The following ANO4 variants were observed in gnomAD, a reference collection of about 807,000 sequenced individuals.
ANO4 encodes anoctamin 4, also known as anoctamin-4.
ANO4 carries 69 observed loss-of-function variants against 141.9 expected under a neutral mutation model. The ratio of observed to expected loss-of-function variants is 0.49; its 90% CI spans 0.40 to 0.59. ANO4 has a LOEUF of 0.59. Among genes scored for constraint, ANO4 ranks in the 20% least tolerant of loss-of-function variants. ANO4 has a pLI of 0.00. For missense variants in ANO4, 894 were observed against 1,162.2 expected (o/e 0.77, Z 3.36); for synonymous variants, 350 against 394.3 (o/e 0.89, Z 1.33).
chr12:101,116,626 G>A, intron 24 of ANO4, 53 bp from the exon 25 acceptor site: 1 of 1,613,416 alleles, frequency 6.2e-7, no homozygotes, highest in Non-Finnish European at 8.5e-7. Context: ...CAGGGAACTG[G>A]ATACAGAGAA....
intron 3 of ANO4, among the ~76,000 whole-genome samples, chr12:100,764,790 A>G (rs145870675): frequency 3.3e-5 from 5 of 152,212 alleles, no homozygotes; most frequent in African/African-American, 1.2e-4. Context: ...CCTGCAGTTA[A>G]GTATATTAGG....
chr12:100,839,439 G>A (rs1325845553), intron 1 of ANO4, among the ~76,000 whole-genome samples: 1 of 152,140 alleles, frequency 6.6e-6, no homozygotes, highest in South Asian at 2.1e-4. Context: ...TCTTTGTAAT[G>A]TAGGTACAAG....
At chr12:100,919,736 G>GTATCTATCTATCTATCTGTC (rs2041536779) in intron 2 of ANO4, among the ~76,000 whole-genome samples, 1 of 133,056 alleles carries the variant, frequency 7.5e-6, no homozygotes, top group Non-Finnish European at 1.6e-5. Flanking sequence ...GTGTATGTAT[G>GTATCTATCTATCTATCTGTC]TATCTATCTA....
chr12:101,040,351 C>T (rs529478376), intron 11 of ANO4, among the ~76,000 whole-genome samples: 3 of 152,310 alleles, frequency 2.0e-5, no homozygotes, highest in Non-Finnish European at 2.9e-5. Flanking sequence ...CACAAGACTT[C>T]GTAAGAAGCG....
rs557947000 is a variant in ANO4 at position 100,845,874 on chromosome 12, T to C, written c.-141+50847T>C. On this transcript the variant is annotated intron_variant, in intron 1 of 27. Coordinates refer to ENST00000392977, the MANE Select transcript of ANO4 (RefSeq NM_001286615.2). The stretch of plus-strand genomic sequence containing the variant: ...TCAGAGCTCATCTGGTTTAGTTTCA[T>C]TGAGTAGAGGAAATGGAAGCCTAAA... 1.2e-4 allele frequency among the ~76,000 whole-genome samples: 19 copies of C among 152,326 alleles called. No individual in the cohort carries two copies. In the South Asian group the frequency reaches 2.1e-3, roughly 17 times the overall value.
At chr12:101,071,519 G>T (rs2048809435) in intron 14 of ANO4, among the ~76,000 whole-genome samples, 1 of 151,786 alleles carries the variant, frequency 6.6e-6, no homozygotes, top group African/African-American at 2.4e-5. Flanking sequence ...ATAGAAAGAT[G>T]GTTACCAGAG....
intron 9 of ANO4, among the ~76,000 whole-genome samples, chr12:101,023,719 A>C (rs1447984016): frequency 1.3e-5 from 2 of 152,208 alleles, no homozygotes; most frequent in African/African-American, 2.4e-5. Flanking sequence ...AACTGGAATC[A>C]TATCTAATTA....
intron 5 of ANO4, among the ~76,000 whole-genome samples, chr12:100,959,336 A>G (rs2043306417): frequency 6.6e-6 from 1 of 152,008 alleles, no homozygotes; most frequent in South Asian, 2.1e-4. Flanking sequence ...TCTCTCCTGC[A>G]TCATCATTTT....
chr12:100,723,854 A>G (rs1043438219), intron 1 of ANO4, among the ~76,000 whole-genome samples: 5 of 152,198 alleles, frequency 3.3e-5, no homozygotes, highest in Non-Finnish European at 5.9e-5. Flanking sequence ...GGACACATTC[A>G]GCTCACAATA....
chr12:100,874,755 A>G (rs963047362), intron 1 of ANO4, among the ~76,000 whole-genome samples: 21 of 152,064 alleles, frequency 1.4e-4, no homozygotes, highest in Non-Finnish European at 2.6e-4. Context: ...CCTGGCCTCA[A>G]GTCATCTGCC....
At chr12:101,050,351 G>T (rs1038110216) in intron 14 of ANO4, among the ~76,000 whole-genome samples, 2 of 152,144 alleles carry the variant, frequency 1.3e-5, no homozygotes, top group African/African-American at 4.8e-5. Flanking sequence ...TAGGATTCCT[G>T]CCTCCCTTGG....
chr12:100,859,416 A>G (rs150010084), intron 1 of ANO4, among the ~76,000 whole-genome samples: 99 of 152,310 alleles, frequency 6.5e-4, no homozygotes, highest in African/African-American at 2.2e-3. Flanking sequence ...GCCAGGTGAC[A>G]TGGGCAAGAA....
chr12:101,039,887 A>G (rs2136612505), intron 10 of ANO4, 68 bp from the exon 11 acceptor site: 1 of 1,533,180 alleles, frequency 6.5e-7, no homozygotes, highest in Admixed American at 1.8e-5. Context: ...AGACACTTAC[A>G]TTACCATCAG....
intron 8 of ANO4, among the ~76,000 whole-genome samples, chr12:101,000,699 A>T (rs545559516): frequency 9.3e-4 from 142 of 152,228 alleles, no homozygotes; most frequent in Non-Finnish European, 1.8e-3. Context: ...AAAGCCACGC[A>T]TCTTGAGATT....
chr12:100,772,531 A>C (rs1162895578), intron 3 of ANO4, among the ~76,000 whole-genome samples: 1 of 151,982 alleles, frequency 6.6e-6, no homozygotes, highest in African/African-American at 2.4e-5. Context: ...GAAAACCTCA[A>C]CCCTGGGATG....
chr12:100,785,529 T>A (rs2033846629), intron 3 of ANO4, among the ~76,000 whole-genome samples: 2 of 152,196 alleles, frequency 1.3e-5, no homozygotes, highest in Non-Finnish European at 2.9e-5. Context: ...TTCTTACACT[T>A]AGTAATATGC....
At chr12:100,723,871 A>G (rs1021019237) in intron 1 of ANO4, among the ~76,000 whole-genome samples, 2 of 152,174 alleles carry the variant, frequency 1.3e-5, no homozygotes, top group African/African-American at 4.8e-5. Context: ...AATAAGTAAC[A>G]ATGTGGATTT....
At chr12:100,809,897 A>G (rs564465480) in intron 1 of ANO4, among the ~76,000 whole-genome samples, 101 of 152,280 alleles carry the variant, frequency 6.6e-4, no homozygotes, top group Middle Eastern at 3.4e-3. Context: ...TAGGACAGTG[A>G]CATTAGGAAT....
chr12:101,067,482 G>T (rs954641200), intron 14 of ANO4, among the ~76,000 whole-genome samples: 1 of 152,192 alleles, frequency 6.6e-6, no homozygotes, highest in African/African-American at 2.4e-5. Context: ...AAGATTTCAA[G>T]ACCTGCCTAG....
Sources: allele counts gnomAD v4.1 joint callset (sites outside exome capture counted in the v4.1 genomes callset), GRCh38; gene constraint gnomAD v4.1.1; transcripts MANE v1.5; gene names NCBI Gene and HGNC (gene_info 2026-07-23, HGNC 2026-07-21).